Variants in FBXL20 observed in about 807,000 individuals in gnomAD.
The protein encoded by FBXL20 is F-box/LRR-repeat protein 20.
FBXL20 carries 11 observed loss-of-function variants against 64.0 expected under a neutral mutation model. That is an observed-to-expected ratio of 0.17 (90% CI 0.11 to 0.28). The LOEUF is 0.28. Among genes scored for constraint, FBXL20 ranks in the 10% least tolerant of loss-of-function variants. The pLI, the probability that FBXL20 is intolerant of heterozygous loss-of-function variation, is 1.00. For synonymous variants in FBXL20, 184 were observed against 189.0 expected (o/e 0.97, Z 0.22); for missense variants, 303 against 526.2 (o/e 0.58, Z 4.15).
Position 39,256,524 on chromosome 17 carries a change from T to C in FBXL20, c.*4936A>G, listed in dbSNP as rs949459920. ...TCACAGTGCCTGGGTTTGAGGTGGCTAAAGATTCTAGGATTGGCAGGCAGA... is the reference window on the plus strand; with the variant it reads ...TCACAGTGCCTGGGTTTGAGGTGGCCAAAGATTCTAGGATTGGCAGGCAGA... On this transcript the variant is annotated 3_prime_UTR_variant, in exon 15 of 15. Coordinates refer to ENST00000264658, the MANE Select transcript of FBXL20 (RefSeq NM_032875.3). 3.9e-5 allele frequency: 6 copies of C among 152,132 alleles called. No homozygotes were observed. Among genetic ancestry groups the C allele is most frequent in the Admixed American group, 6.6e-5 (1 of 15,262 alleles). 9.4% of individuals were successfully genotyped at this position (152,132 alleles called of 1,614,324 possible). A position where few individuals can be genotyped will look rare whatever the true frequency, so the allele number is the denominator to read the frequency against.
At chr17:39,306,171 G>A (rs1051609767) in intron 2 of FBXL20, among the ~76,000 whole-genome samples, 2 of 122,628 alleles carry the variant, frequency 1.6e-5, no homozygotes, top group African/African-American at 7.4e-5. Context: ...TTTTTTTTAA[G>A]ACGGAGTTTT....
chr17:39,337,111 G>A (rs1182565596), intron 2 of FBXL20, among the ~76,000 whole-genome samples: 1 of 151,994 alleles, frequency 6.6e-6, no homozygotes, highest in East Asian at 1.9e-4. Flanking sequence ...TCAGCCTGCC[G>A]AGTGCCTGGG....
chr17:39,280,375 C>A (rs1399953547), intron 9 of FBXL20, among the ~76,000 whole-genome samples: 3 of 142,598 alleles, frequency 2.1e-5, no homozygotes, highest in Admixed American at 1.5e-4. Flanking sequence ...GCACTCTAGC[C>A]TGGGCGACAC....
chr17:39,387,405 G>A (rs965155729), intron 1 of FBXL20, among the ~76,000 whole-genome samples: 5 of 149,458 alleles, frequency 3.3e-5, no homozygotes, highest in African/African-American at 7.4e-5. Flanking sequence ...TCAGCCTCCC[G>A]AGTAACTGGG....
chr17:39,306,516 T>C (rs1444986383), intron 2 of FBXL20, among the ~76,000 whole-genome samples: 1 of 152,182 alleles, frequency 6.6e-6, no homozygotes, highest in Non-Finnish European at 1.5e-5. Flanking sequence ...AAGACTGTAC[T>C]TTTCCCCACT....
At chr17:39,397,444 C>G (rs144515634) in intron 1 of FBXL20, among the ~76,000 whole-genome samples, 148 of 152,176 alleles carry the variant, frequency 9.7e-4, no homozygotes, top group African/African-American at 3.4e-3. Flanking sequence ...GTTAATGTTA[C>G]CACTATGATT....
intron 1 of FBXL20, 57 bp from the exon 2 acceptor site, chr17:39,343,298 C>T: frequency 7.9e-6 from 10 of 1,260,628 alleles, no homozygotes; most frequent in Non-Finnish European, 3.3e-6. Flanking sequence ...ACAGAATGTT[C>T]AACTCAATAG....
intron 1 of FBXL20, among the ~76,000 whole-genome samples, chr17:39,367,599 G>A (rs778950388): frequency 6.6e-6 from 1 of 151,954 alleles, no homozygotes; most frequent in Non-Finnish European, 1.5e-5. Flanking sequence ...TTACAGGCAT[G>A]AGCCACCATA....
intron 6 of FBXL20, among the ~76,000 whole-genome samples, chr17:39,296,387 C>A (rs887026705): frequency 3.3e-5 from 5 of 151,554 alleles, no homozygotes; most frequent in African/African-American, 1.2e-4. Flanking sequence ...GGTGAAACCC[C>A]GTCTCTACTA....
chr17:39,364,770 A>G (rs1407090861), intron 1 of FBXL20, among the ~76,000 whole-genome samples: 3 of 152,224 alleles, frequency 2.0e-5, no homozygotes, highest in African/African-American at 7.2e-5. Context: ...GTGGAGAACA[A>G]GAACTGGCTG....
chr17:39,309,623 C>T lies in FBXL20; in HGVS notation c.105-5984G>A, dbSNP rs144714545. Among the ~76,000 whole-genome samples the T allele has an allele frequency of 1.2e-3, 180 of 151,504 alleles. 1 individual carries two copies. The highest frequency in any genetic ancestry group is 3.5e-3 in the African/African-American group (145 of 41,340). ...TTCGAGACCAGCCTGGCCAATATGG[C>T]GAAACCCCGTCTCTACTAAAATACA... On this transcript the variant is annotated intron_variant, in intron 2 of 14. Transcript: ENST00000264658.
intron 6 of FBXL20, among the ~76,000 whole-genome samples, chr17:39,291,120 C>T (rs1181667281): frequency 6.6e-6 from 1 of 151,950 alleles, no homozygotes; most frequent in African/African-American, 2.4e-5. Flanking sequence ...TGCCACCACG[C>T]CCGGCTAACT....
intron 2 of FBXL20, among the ~76,000 whole-genome samples, chr17:39,306,702 G>A (rs754885343): frequency 1.3e-5 from 2 of 152,134 alleles, no homozygotes; most frequent in Non-Finnish European, 2.9e-5. Context: ...TTTGCATGAT[G>A]TCAGAAAAAC....
chr17:39,333,651 G>C (rs973950675), intron 2 of FBXL20, among the ~76,000 whole-genome samples: 13 of 151,072 alleles, frequency 8.6e-5, no homozygotes, highest in African/African-American at 2.9e-4. Flanking sequence ...GCCCAGTCTG[G>C]GAAGTGTGGA....
At chr17:39,332,185 C>CTACA in intron 2 of FBXL20, among the ~76,000 whole-genome samples, 1 of 152,178 alleles carries the variant, frequency 6.6e-6, no homozygotes, top group Middle Eastern at 3.2e-3. Flanking sequence ...GAAGGAGAGG[C>CTACA]TACAAGAAAT....
chr17:39,296,150 T>C (rs1313991536), intron 6 of FBXL20, among the ~76,000 whole-genome samples: 1 of 152,110 alleles, frequency 6.6e-6, no homozygotes, highest in Non-Finnish European at 1.5e-5. Flanking sequence ...AAACAAAAAT[T>C]AAAAGATAAT....
chr17:39,262,992 ACT>A (rs1393947769), intron 14 of FBXL20, among the ~76,000 whole-genome samples: 3 of 98,336 alleles, frequency 3.1e-5, no homozygotes, highest in African/African-American at 1.2e-4. Flanking sequence ...ACAGAGCGAG[ACT>A]CTGTCTCAAA....
intron 2 of FBXL20, among the ~76,000 whole-genome samples, chr17:39,317,960 A>G (rs895113291): frequency 1.3e-4 from 19 of 151,964 alleles, no homozygotes; most frequent in Admixed American, 6.6e-5. Context: ...CTCGCCTCCC[A>G]AAGTGCTGGG....
In FBXL20 at chr17:39,253,526, G is replaced by A. The variant is rs770981543; in HGVS notation, c.*7934C>T. The A allele has an allele frequency of 6.6e-5, 10 of 152,372 alleles. No homozygotes were observed. The highest frequency in any genetic ancestry group is 1.2e-4 in the Non-Finnish European group (8 of 68,050). 9.4% of individuals were successfully genotyped at this position (152,372 alleles called of 1,614,324 possible). A position where few individuals can be genotyped will look rare whatever the true frequency, so the allele number is the denominator to read the frequency against. On this transcript the variant is annotated 3_prime_UTR_variant, in exon 15 of 15. Coordinates refer to ENST00000264658, the MANE Select transcript of FBXL20 (RefSeq NM_032875.3). The stretch of plus-strand genomic sequence containing the variant: ...TAGTCACAGATACTCAGGGCTCCAA[G>A]AGCCACACCATGGTGAGAAAGGACA...
Sources: gnomAD v4.1 joint callset for allele counts (sites outside exome capture counted in the v4.1 genomes callset) on GRCh38, gnomAD v4.1.1 for gene constraint, MANE v1.5 for transcripts, NCBI Gene and HGNC (gene_info 2026-07-23, HGNC 2026-07-21) for gene names.